AGPS: variants seen among roughly 807,000 people sequenced by gnomAD.
AGPS encodes the protein alkylglycerone phosphate synthase.
In AGPS, 26 loss-of-function variants were observed where a neutral mutation model predicts 90.7. That is an observed-to-expected ratio of 0.29 (90% CI 0.21 to 0.40). AGPS has a LOEUF of 0.40. Among genes scored for constraint, AGPS ranks in the 10% least tolerant of loss-of-function variants. AGPS has a pLI of 1.00. For synonymous variants in AGPS, 294 were observed against 285.3 expected (o/e 1.03, Z -0.31); for missense variants, 540 against 816.1 (o/e 0.66, Z 4.12).
intron 10 of AGPS, among the ~76,000 whole-genome samples, chr2:177,478,684 ATTC>A (rs1480391886): frequency 6.6e-6 from 1 of 152,022 alleles, no homozygotes; most frequent in African/African-American, 2.4e-5. Flanking sequence ...TTTCTATTTG[ATTC>A]TTCTTAATAG....
chr2:177,465,207 C>T (rs9789580), intron 9 of AGPS, among the ~76,000 whole-genome samples: 131,915 of 152,136 alleles, frequency 0.87, 57,399 homozygotes, highest in East Asian at 0.98. Context: ...AGTGGGATAA[C>T]TGCTTGAGCC....
At chr2:177,413,599 A>G (rs1685683485) in intron 1 of AGPS, among the ~76,000 whole-genome samples, 1 of 152,240 alleles carries the variant, frequency 6.6e-6, no homozygotes, top group Admixed American at 6.5e-5. Context: ...CATGAAATTT[A>G]AAGTACAGTC....
rs925347119 is a variant in AGPS, at chr2:177,541,265, G to A, written c.*3070G>A. 2 of 152,124 alleles carry A rather than the reference G, an allele frequency of 1.3e-5. No homozygotes were observed. The highest frequency in any genetic ancestry group is 6.6e-5 in the Admixed American group (1 of 15,246). The allele number at this position is 152,124 out of a possible 1,614,324, so 9.4% of individuals were successfully genotyped here. ...CCACTAGAATAGTCTATTAGTAACT[G>A]CTAAGTCCTAGCTTGCATTTTTGAA... On this transcript the variant is annotated 3_prime_UTR_variant, in exon 20 of 20. Transcript: ENST00000264167.
chr2:177,466,046 T>A (rs780349022), intron 9 of AGPS, among the ~76,000 whole-genome samples: 14 of 152,168 alleles, frequency 9.2e-5, no homozygotes, highest in Non-Finnish European at 4.4e-5. Context: ...TCATATTGGG[T>A]AGCTCCTTTC....
chr2:177,493,902 C>T (rs1011391562), intron 12 of AGPS, among the ~76,000 whole-genome samples: 2 of 151,984 alleles, frequency 1.3e-5, no homozygotes, highest in Non-Finnish European at 2.9e-5. Context: ...AGATAGAGAA[C>T]GGATGATAGA....
At chr2:177,512,127 A>G (rs1688892982) in intron 16 of AGPS, among the ~76,000 whole-genome samples, 3 of 152,102 alleles carry the variant, frequency 2.0e-5, no homozygotes, top group Non-Finnish European at 4.4e-5. Flanking sequence ...ACTTTTATAA[A>G]TTTGTAATAT....
intron 9 of AGPS, among the ~76,000 whole-genome samples, chr2:177,466,001 T>A (rs895017261): frequency 6.6e-6 from 1 of 151,832 alleles, no homozygotes; most frequent in Non-Finnish European, 1.5e-5. Context: ...GGTGAAGGAG[T>A]GCTTTATTGA....
intron 1 of AGPS, among the ~76,000 whole-genome samples, chr2:177,410,087 G>A (rs1161685557): frequency 6.6e-6 from 1 of 152,178 alleles, no homozygotes; most frequent in Non-Finnish European, 1.5e-5. Flanking sequence ...TAGCCATCCT[G>A]AGGGGAGGAA....
intron 19 of AGPS, among the ~76,000 whole-genome samples, chr2:177,533,900 T>C (rs1287967566): frequency 6.6e-6 from 1 of 152,198 alleles, no homozygotes; most frequent in Non-Finnish European, 1.5e-5. Context: ...ATACTCAAAC[T>C]AGAACTTTCA....
chr2:177,461,297 CTATT>C (rs1172929464), intron 8 of AGPS, among the ~76,000 whole-genome samples: 1 of 152,190 alleles, frequency 6.6e-6, no homozygotes, highest in Non-Finnish European at 1.5e-5. Flanking sequence ...AAACAAGTGA[CTATT>C]TAATGTATAG....
intron 19 of AGPS, among the ~76,000 whole-genome samples, chr2:177,530,721 G>A (rs2079130459): frequency 6.6e-6 from 1 of 152,184 alleles, no homozygotes; most frequent in Non-Finnish European, 1.5e-5. Context: ...CAATCATGCT[G>A]TGATAAATGG....
chr2:177,392,889 G>C lies in AGPS; in HGVS notation c.100G>C (p.Ala34Pro). ...GGACCGGGACCCGGACCCGGACCGC[G>C]CCGGGCGGAGGCTGCGGGTTCTCTC... Reference protein sequence around the residue: ...DRDRDPDPDRAGRRLRVLSGH... With the variant: ...DRDRDPDPDRPGRRLRVLSGH... The change falls in exon 1 of 20, where the codon GCC becomes CCC. Residue 34 changes from alanine to proline, a missense_variant. Transcript: ENST00000264167. 3 of 1,550,786 alleles carry C rather than the reference G, an allele frequency of 1.9e-6. No individual in the cohort carries two copies. The highest frequency in any genetic ancestry group is 2.4e-5 in the South Asian group (2 of 84,166).
chr2:177,424,604 C>T (rs1387215431), intron 2 of AGPS, among the ~76,000 whole-genome samples: 4 of 152,120 alleles, frequency 2.6e-5, no homozygotes, highest in Non-Finnish European at 5.9e-5. Flanking sequence ...TGTATTTACC[C>T]AGTAAGGGGA....
chr2:177,443,405 T>C (rs939003243), intron 7 of AGPS, among the ~76,000 whole-genome samples: 1 of 152,132 alleles, frequency 6.6e-6, no homozygotes, highest in African/African-American at 2.4e-5. Flanking sequence ...AGAAACAAGG[T>C]TATTTGTAGT....
intron 12 of AGPS, among the ~76,000 whole-genome samples, chr2:177,496,037 T>C (rs1688404928): frequency 6.6e-6 from 1 of 152,108 alleles, no homozygotes; most frequent in South Asian, 2.1e-4. Flanking sequence ...TTGATACTAA[T>C]GCTTGACCCA....
chr2:177,462,584 C>T (rs1687330654), intron 9 of AGPS, among the ~76,000 whole-genome samples: 1 of 151,828 alleles, frequency 6.6e-6, no homozygotes, highest in Non-Finnish European at 1.5e-5. Context: ...TCACAGTATC[C>T]AGCTCATAAA....
At chr2:177,508,255 G>A (rs1359143238) in intron 16 of AGPS, among the ~76,000 whole-genome samples, 3 of 152,120 alleles carry the variant, frequency 2.0e-5, no homozygotes, top group Admixed American at 2.0e-4. Context: ...TCCAAAGAAC[G>A]AAGGTATTGT....
rs2079214761 is a variant in AGPS, at chr2:177,539,664, T to G, written c.*1469T>G. ...TCTGAAGTAGCCTTAACCAGAAAAA[T>G]GGTAATTTAAAATTGACAAAATGAT... On this transcript the variant is annotated 3_prime_UTR_variant, in exon 20 of 20. Transcript: ENST00000264167. 6.6e-6 allele frequency: 1 copy of G among 152,102 alleles called. No homozygotes were observed. Among genetic ancestry groups the G allele is most frequent in the East Asian group, 1.9e-4 (1 of 5,178 alleles). 9.4% of individuals were successfully genotyped at this position (152,102 alleles called of 1,614,324 possible).
chr2:177,514,977 T>C (rs1688981629), intron 17 of AGPS, among the ~76,000 whole-genome samples: 1 of 151,342 alleles, frequency 6.6e-6, no homozygotes. Flanking sequence ...GCAAGTACAC[T>C]GACGATAGGA....
Sources: gnomAD v4.1 joint callset for allele counts (sites outside exome capture counted in the v4.1 genomes callset) on GRCh38, gnomAD v4.1.1 for gene constraint, MANE v1.5 for transcripts, NCBI Gene and HGNC (gene_info 2026-07-23, HGNC 2026-07-21) for gene names.